AUTS2: variants seen among roughly 807,000 people sequenced by gnomAD.
AUTS2 encodes autism susceptibility gene 2 protein.
AUTS2 carries 17 observed loss-of-function variants against 112.4 expected under a neutral mutation model. That is an observed-to-expected ratio of 0.15 (90% confidence interval 0.10 to 0.23). The LOEUF (loss-of-function observed/expected upper bound fraction) is 0.23, where lower values mean the gene tolerates loss of function less well. Among genes scored for constraint, AUTS2 ranks in the 10% least tolerant of loss-of-function variants. The probability of loss-of-function intolerance (pLI) is 1.00; values close to 1 mark genes in which losing one functional copy is unlikely to be tolerated. For missense variants in AUTS2, 1,510 were observed against 1,701.6 expected, an observed-to-expected ratio of 0.89 and a Z score of 1.98; for synonymous variants, 751 against 702.7, an observed-to-expected ratio of 1.07 and a Z score of -1.09.
Position 70,566,935 on chromosome 7 carries a change from G to A in AUTS2, c.690+131154G>A, listed in dbSNP as rs112350240. 3.8e-3 allele frequency among the ~76,000 whole-genome samples: 585 copies of A among 152,284 alleles called. 3 individuals are homozygous for A. Among genetic ancestry groups the A allele is most frequent in the African/African-American group, 0.013 (541 of 41,560 alleles). On this transcript the variant is annotated intron_variant, in intron 5 of 18. Transcript: ENST00000342771. Reference sequence around the variant, plus strand: ...AAATTCCCTGGGAGCTCAGAGTTATGTTTTGTGAACTGCATGTGCCTGAGG... The same window carrying A: ...AAATTCCCTGGGAGCTCAGAGTTATATTTTGTGAACTGCATGTGCCTGAGG...
intron 1 of AUTS2, among the ~76,000 whole-genome samples, chr7:69,805,974 A>G (rs1408714860): frequency 6.6e-6 from 1 of 151,308 alleles, no homozygotes; most frequent in Non-Finnish European, 1.5e-5. Context: ...TCATAGCTCA[A>G]CTACATCCTC....
At chr7:69,951,868 G>T (rs1324878457) in intron 2 of AUTS2, among the ~76,000 whole-genome samples, 1 of 152,134 alleles carries the variant, frequency 6.6e-6, no homozygotes, top group Non-Finnish European at 1.5e-5. Flanking sequence ...GATTATTTGT[G>T]TGTTGGGTCC....
At chr7:69,975,081 T>C (rs1798001410) in intron 2 of AUTS2, among the ~76,000 whole-genome samples, 1 of 152,120 alleles carries the variant, frequency 6.6e-6, no homozygotes, top group Non-Finnish European at 1.5e-5. Context: ...TGATTACCTG[T>C]TGCTTACTGA....
At chr7:70,436,226 C>A (rs2130875213) in intron 5 of AUTS2, 1 of 157,280 alleles carries the variant, frequency 6.4e-6, no homozygotes, top group South Asian at 1.9e-4. Context: ...TGTTAATGGT[C>A]TGTGTCTAGG....
rs561893658 is a variant in AUTS2, at chr7:70,411,857, C to T, written c.661-23895C>T. Among the ~76,000 whole-genome samples the T allele has an allele frequency of 3.4e-4, 51 of 151,628 alleles. No homozygotes were observed. The South Asian group carries it at 0.01, about 31-fold the overall frequency. On this transcript the variant is annotated intron_variant, in intron 4 of 18. Transcript: ENST00000342771. ...GGTTTTGGGAAACAGGACAAAACAGCCAACGCTGCCAAGGATTGTTGATGA... is the reference window on the plus strand; with the variant it reads ...GGTTTTGGGAAACAGGACAAAACAGTCAACGCTGCCAAGGATTGTTGATGA...
At chr7:70,232,325 C>T (rs1812098266) in intron 4 of AUTS2, among the ~76,000 whole-genome samples, 2 of 151,946 alleles carry the variant, frequency 1.3e-5, no homozygotes, top group African/African-American at 4.8e-5. Flanking sequence ...GAACATCCTC[C>T]TCTTTGTCTT....
At chr7:69,716,843 T>C (rs1180417446) in intron 1 of AUTS2, among the ~76,000 whole-genome samples, 1 of 152,152 alleles carries the variant, frequency 6.6e-6, no homozygotes, top group Non-Finnish European at 1.5e-5. Context: ...TTTGCTTATG[T>C]TTGCCCACTT....
chr7:70,380,254 A>G (rs1450215002), intron 4 of AUTS2, among the ~76,000 whole-genome samples: 4 of 152,218 alleles, frequency 2.6e-5, no homozygotes, highest in African/African-American at 9.7e-5. Flanking sequence ...GGATCAAACA[A>G]AGTTAGTGCA....
At chr7:70,385,283 A>T (rs1037857581) in intron 4 of AUTS2, among the ~76,000 whole-genome samples, 2 of 152,220 alleles carry the variant, frequency 1.3e-5, no homozygotes, top group African/African-American at 2.4e-5. Flanking sequence ...GAAGAAAGGA[A>T]GATGTTCATT....
intron 1 of AUTS2, among the ~76,000 whole-genome samples, chr7:69,751,570 A>T (rs1787738729): frequency 6.6e-6 from 1 of 152,190 alleles, no homozygotes; most frequent in Non-Finnish European, 1.5e-5. Context: ...AGATGAAAGG[A>T]TGAATTATTG....
At chr7:69,804,999 C>G (rs1204248305) in intron 1 of AUTS2, among the ~76,000 whole-genome samples, 1 of 152,184 alleles carries the variant, frequency 6.6e-6, no homozygotes, top group Non-Finnish European at 1.5e-5. Context: ...GAGCTTGTAA[C>G]AGTTGATATT....
At chr7:69,848,229 G>A (rs771831276) in intron 1 of AUTS2, among the ~76,000 whole-genome samples, 1 of 152,152 alleles carries the variant, frequency 6.6e-6, no homozygotes, top group Admixed American at 6.5e-5. Context: ...AAGGAAAGAC[G>A]ATTGCAGCCT....
At chr7:70,178,764 A>T in intron 4 of AUTS2, among the ~76,000 whole-genome samples, 1 of 151,888 alleles carries the variant, frequency 6.6e-6, no homozygotes, top group East Asian at 1.9e-4. Context: ...GGTGCTGCTC[A>T]CTCCAACCTG....
intron 5 of AUTS2, among the ~76,000 whole-genome samples, chr7:70,696,049 G>A (rs1004628968): frequency 1.3e-5 from 2 of 152,164 alleles, no homozygotes; most frequent in African/African-American, 4.8e-5. Flanking sequence ...CAGGAAAATG[G>A]TCCAGGTAAT....
chr7:70,621,040 G>A (rs769474786), intron 5 of AUTS2, among the ~76,000 whole-genome samples: 7 of 152,362 alleles, frequency 4.6e-5, no homozygotes, highest in African/African-American at 1.7e-4. Flanking sequence ...CGGCGGTGGG[G>A]TAGGGAAAGA....
chr7:69,931,344 C>T (rs1796220699), intron 2 of AUTS2, among the ~76,000 whole-genome samples: 1 of 152,210 alleles, frequency 6.6e-6, no homozygotes, highest in Non-Finnish European at 1.5e-5. Context: ...CTGCATTATA[C>T]AGAATCTTAA....
intron 4 of AUTS2, among the ~76,000 whole-genome samples, chr7:70,331,452 G>A (rs899490178): frequency 1.3e-5 from 2 of 150,626 alleles, no homozygotes; most frequent in South Asian, 2.1e-4. Context: ...TTATTTATTA[G>A]TCTGGCTAGT....
chr7:70,593,515 C>T (rs975448902), intron 5 of AUTS2, among the ~76,000 whole-genome samples: 1 of 152,110 alleles, frequency 6.6e-6, no homozygotes, highest in African/African-American at 2.4e-5. Flanking sequence ...ACCGAGAGGA[C>T]CTGCATTTCA....
At chr7:70,435,836 A>G in intron 5 of AUTS2, 55 bp downstream of exon 5, 6 of 1,578,068 alleles carry the variant, frequency 3.8e-6, no homozygotes, top group Non-Finnish European at 5.2e-6. Context: ...TGAACACCAG[A>G]GTCCTCCCAC....
Sources: allele counts gnomAD v4.1 joint callset (sites outside exome capture counted in the v4.1 genomes callset), GRCh38; gene constraint gnomAD v4.1.1; transcripts MANE v1.5; gene names NCBI Gene and HGNC (gene_info 2026-07-23, HGNC 2026-07-21).